Variants in TAFA1 observed in about 807,000 individuals in gnomAD.
The protein encoded by TAFA1 is TAFA chemokine like family member 1.
In TAFA1, 4 loss-of-function variants were observed where a neutral mutation model predicts 18.5. The observed-to-expected ratio is 0.22, with a 90% CI of 0.11 to 0.49. The LOEUF is 0.49. Among genes scored for constraint, TAFA1 ranks in the 20% least tolerant of loss-of-function variants. TAFA1 has a pLI of 0.98. For missense variants in TAFA1, 147 were observed against 169.0 expected, an observed-to-expected ratio of 0.87 and a Z score of 0.72; for synonymous variants, 56 against 55.2, an observed-to-expected ratio of 1.01 and a Z score of -0.06.
intron 2 of TAFA1, among the ~76,000 whole-genome samples, chr3:68,299,351 G>C (rs2068265587): frequency 6.6e-6 from 1 of 152,206 alleles, no homozygotes; most frequent in Admixed American, 6.5e-5. Flanking sequence ...CTTTGAACTT[G>C]AGAGAGATGA....
At chr3:68,085,863 T>G (rs1160219449) in intron 2 of TAFA1, among the ~76,000 whole-genome samples, 1 of 152,210 alleles carries the variant, frequency 6.6e-6, no homozygotes, top group East Asian at 1.9e-4. Context: ...CCACAGTTCA[T>G]GTAGTGAATC....
chr3:68,523,001 G>A (rs552251660), intron 3 of TAFA1, among the ~76,000 whole-genome samples: 6 of 152,248 alleles, frequency 3.9e-5, no homozygotes, highest in South Asian at 2.1e-4. Context: ...GCTTGAACCC[G>A]GGAGGCGGAG....
At chr3:68,065,311 T>C (rs2064659396) in intron 2 of TAFA1, among the ~76,000 whole-genome samples, 1 of 152,182 alleles carries the variant, frequency 6.6e-6, no homozygotes, top group Non-Finnish European at 1.5e-5. Context: ...GACTGCAGAA[T>C]ACATTTTTAT....
intron 2 of TAFA1, among the ~76,000 whole-genome samples, chr3:68,337,572 A>G (rs965000191): frequency 2.6e-5 from 4 of 152,212 alleles, no homozygotes; most frequent in Admixed American, 2.6e-4. Flanking sequence ...ACACATGTAT[A>G]TACTCATGTT....
chr3:68,462,421 T>C (rs1184611546), intron 3 of TAFA1, among the ~76,000 whole-genome samples: 1 of 152,230 alleles, frequency 6.6e-6, no homozygotes, highest in East Asian at 1.9e-4. Flanking sequence ...CCCTCTTGCC[T>C]GCCACCATGT....
intron 2 of TAFA1, among the ~76,000 whole-genome samples, chr3:68,203,949 GGC>G (rs1491371945): frequency 1.6e-5 from 1 of 61,068 alleles, no homozygotes; most frequent in African/African-American, 4.1e-5. Context: ...AAATGTCAAA[GGC>G]CCCCCCCACC....
intron 2 of TAFA1, among the ~76,000 whole-genome samples, chr3:68,056,468 G>A (rs1474049661): frequency 6.6e-6 from 1 of 152,198 alleles, no homozygotes; most frequent in Non-Finnish European, 1.5e-5. Flanking sequence ...TTTCAACTGT[G>A]TAATTACTCC....
intron 2 of TAFA1, among the ~76,000 whole-genome samples, chr3:68,056,664 T>A (rs1198283315): frequency 6.6e-6 from 1 of 152,136 alleles, no homozygotes; most frequent in African/African-American, 2.4e-5. Context: ...CTTCAGAAAT[T>A]TCCCAGTAGA....
chr3:68,437,891 A>C (rs911334626), intron 3 of TAFA1, among the ~76,000 whole-genome samples: 1 of 152,052 alleles, frequency 6.6e-6, no homozygotes, highest in African/African-American at 2.4e-5. Flanking sequence ...TCTAGCACCA[A>C]CTCAAAAGTC....
At chr3:68,232,814 G>T (rs2066887484) in intron 2 of TAFA1, among the ~76,000 whole-genome samples, 1 of 152,098 alleles carries the variant, frequency 6.6e-6, no homozygotes, top group African/African-American at 2.4e-5. Context: ...ACGTTTCTCA[G>T]TCTGGTCTTG....
intron 3 of TAFA1, among the ~76,000 whole-genome samples, chr3:68,440,944 G>T (rs1199572531): frequency 6.6e-6 from 1 of 152,120 alleles, no homozygotes; most frequent in Non-Finnish European, 1.5e-5. Flanking sequence ...GTGTCTCCTG[G>T]TGGCAGTGTT....
At chr3:68,426,943 C>T (rs181995429) in intron 3 of TAFA1, among the ~76,000 whole-genome samples, 8 of 151,826 alleles carry the variant, frequency 5.3e-5, no homozygotes, top group South Asian at 2.1e-4. Context: ...AGATTTAATG[C>T]GTATACTTGG....
chr3:68,495,998 C>CAAAAA (rs199520960), intron 3 of TAFA1, among the ~76,000 whole-genome samples: 114 of 107,516 alleles, frequency 1.1e-3, no homozygotes, highest in African/African-American at 2.1e-3. Flanking sequence ...TTCCCTGAAG[C>CAAAAA]AAAAAAAAAA....
chr3:68,267,109 A>G (rs1575729245), intron 2 of TAFA1, among the ~76,000 whole-genome samples: 1 of 152,278 alleles, frequency 6.6e-6, no homozygotes, highest in African/African-American at 2.4e-5. Context: ...CAACAAGTCA[A>G]GTTTATTCCG....
intron 2 of TAFA1, among the ~76,000 whole-genome samples, chr3:68,368,577 AT>A (rs56886643): frequency 0.36 from 53,807 of 150,602 alleles, 10,349 homozygotes; most frequent in Non-Finnish European, 0.41. Flanking sequence ...CCATCTTGAG[AT>A]TTTTTTTTTT....
chr3:68,492,794 A>G (rs2072476756), intron 3 of TAFA1, among the ~76,000 whole-genome samples: 1 of 152,138 alleles, frequency 6.6e-6, no homozygotes, highest in Non-Finnish European at 1.5e-5. Flanking sequence ...TTCACCTTCA[A>G]AATCTCTGTG....
intron 3 of TAFA1, among the ~76,000 whole-genome samples, chr3:68,419,863 G>A (rs1281345412): frequency 6.6e-6 from 1 of 152,142 alleles, no homozygotes; most frequent in Non-Finnish European, 1.5e-5. Flanking sequence ...AGGAAATTCA[G>A]CCAAACCTCG....
At chr3:68,380,395 G>C (rs973342652) in intron 2 of TAFA1, among the ~76,000 whole-genome samples, 3 of 152,178 alleles carry the variant, frequency 2.0e-5, no homozygotes, top group Non-Finnish European at 2.9e-5. Context: ...CAGTGTAAAA[G>C]TGTTCCTATT....
At chr3:68,283,852 G>A (rs901279440) in intron 2 of TAFA1, among the ~76,000 whole-genome samples, 3 of 152,090 alleles carry the variant, frequency 2.0e-5, no homozygotes, top group Non-Finnish European at 4.4e-5. Context: ...TGCATAATTG[G>A]CAAAATTTTC....
Sources: allele counts gnomAD v4.1 joint callset (sites outside exome capture counted in the v4.1 genomes callset), GRCh38; gene constraint gnomAD v4.1.1; transcripts MANE v1.5; gene names NCBI Gene and HGNC (gene_info 2026-07-23, HGNC 2026-07-21).